The following CPNE4 variants were observed in gnomAD, a reference collection of about 807,000 sequenced individuals.
CPNE4 encodes copine 4.
In CPNE4, 25 loss-of-function variants were observed where a neutral mutation model predicts 67.9. The ratio of observed to expected loss-of-function variants is 0.37; its 90% CI spans 0.27 to 0.51. The LOEUF (loss-of-function observed/expected upper bound fraction) is 0.51. Ranked by LOEUF, CPNE4 falls within the 20% of genes least tolerant of loss-of-function variation. CPNE4 has a pLI of 0.93. For missense variants in CPNE4, 464 were observed against 690.8 expected, an observed-to-expected ratio of 0.67 and a Z score of 3.68; for synonymous variants, 242 against 244.9, an observed-to-expected ratio of 0.99 and a Z score of 0.11.
At chr3:131,578,778 C>G (rs554464951) in intron 9 of CPNE4, among the ~76,000 whole-genome samples, 1 of 152,200 alleles carries the variant, frequency 6.6e-6, no homozygotes, top group African/African-American at 2.4e-5. Context: ...GAGCAAAGCC[C>G]TAACTCACTT....
At chr3:131,952,679 C>T (rs1370093387) in intron 1 of CPNE4, among the ~76,000 whole-genome samples, 26 of 151,310 alleles carry the variant, frequency 1.7e-4, no homozygotes, top group Non-Finnish European at 3.4e-4. Context: ...CGCCTCTGCC[C>T]GGCCGCCCCT....
At chr3:131,735,327 T>C (rs2082210861) in intron 2 of CPNE4, among the ~76,000 whole-genome samples, 1 of 152,210 alleles carries the variant, frequency 6.6e-6, no homozygotes, top group African/African-American at 2.4e-5. Context: ...TCATCAGACA[T>C]TACTGCATGT....
intron 14 of CPNE4, among the ~76,000 whole-genome samples, chr3:131,545,462 A>G (rs1935775408): frequency 6.6e-6 from 1 of 152,192 alleles, no homozygotes; most frequent in African/African-American, 2.4e-5. Context: ...TTTTTTCACT[A>G]TAAGTGTAAT....
In CPNE4 at chr3:131,990,872, C is replaced by T. The variant is rs897781170; in HGVS notation, c.-2+43695G>A. Among the ~76,000 whole-genome samples, 3 of 135,614 alleles carry T rather than the reference C, an allele frequency of 2.2e-5. 1 individual carries two copies. Among genetic ancestry groups the T allele is most frequent in the Admixed American group, 1.7e-4 (2 of 11,984 alleles). The allele number at this position is 135,614 out of a possible 152,430, so 89.0% of individuals were successfully genotyped here. A position where few individuals can be genotyped will look rare whatever the true frequency, so the allele number is the denominator to read the frequency against. Reference sequence around the variant, plus strand: ...GACCTGGTGGGAGGTAACTGAATCACGGGGGAAGTTACTCCCATGCTTTCT... The same window carrying T: ...GACCTGGTGGGAGGTAACTGAATCATGGGGGAAGTTACTCCCATGCTTTCT... On this transcript the variant is annotated intron_variant, in intron 1 of 15. Coordinates refer to ENST00000429747, the MANE Select transcript of CPNE4 (RefSeq NM_130808.3).
chr3:131,666,325 A>G (rs1701312663), intron 7 of CPNE4, among the ~76,000 whole-genome samples: 1 of 152,158 alleles, frequency 6.6e-6, no homozygotes. Context: ...AATGAACCTG[A>G]CTGTTCCATG....
intron 8 of CPNE4, among the ~76,000 whole-genome samples, chr3:131,584,808 CTTG>C (rs1403933949): frequency 6.6e-6 from 1 of 152,124 alleles, no homozygotes; most frequent in African/African-American, 2.4e-5. Context: ...AGGAACTTAA[CTTG>C]TTATTTAATT....
At chr3:131,572,598 G>A (rs956056589) in intron 10 of CPNE4, among the ~76,000 whole-genome samples, 24 of 152,036 alleles carry the variant, frequency 1.6e-4, no homozygotes, top group Non-Finnish European at 2.4e-4. Context: ...AGGGAGAGTG[G>A]AGAAGGATGG....
At chr3:131,653,470 C>A (rs1482920916) in intron 7 of CPNE4, among the ~76,000 whole-genome samples, 1 of 152,180 alleles carries the variant, frequency 6.6e-6, no homozygotes, top group Non-Finnish European at 1.5e-5. Flanking sequence ...TTTAACCAGA[C>A]CTCCTGCCTC....
At chr3:131,667,166 T>G (rs11922677) in intron 7 of CPNE4, among the ~76,000 whole-genome samples, 6,286 of 152,236 alleles carry the variant, frequency 0.041, 460 homozygotes, top group African/African-American at 0.14. Flanking sequence ...ACAACAGATT[T>G]TCATGGACCC....
At chr3:131,718,262 G>A (rs1377556251) in intron 3 of CPNE4, among the ~76,000 whole-genome samples, 1 of 152,004 alleles carries the variant, frequency 6.6e-6, no homozygotes, top group Non-Finnish European at 1.5e-5. Flanking sequence ...TTGGATTACA[G>A]GCGTGAGCCA....
intron 2 of CPNE4, among the ~76,000 whole-genome samples, chr3:131,800,775 T>A (rs1044547044): frequency 6.6e-6 from 1 of 152,180 alleles, no homozygotes; most frequent in Non-Finnish European, 1.5e-5. Flanking sequence ...ATTAGATATA[T>A]ACTCCTTGGG....
chr3:131,743,000 T>C lies in CPNE4; in HGVS notation c.181-19375A>G, dbSNP rs546234945. Among the ~76,000 whole-genome samples, 9 of 152,166 alleles carry C rather than the reference T, an allele frequency of 5.9e-5. No homozygotes were observed. In the East Asian group the frequency reaches 1.7e-3, roughly 29 times the overall value. On this transcript the variant is annotated intron_variant, in intron 2 of 15. Transcript: ENST00000429747. ...AAACTAGAGGATGAATTAATAAAGA[T>C]AAAGGTGTACATCAACAAAATCGAA...
intron 2 of CPNE4, among the ~76,000 whole-genome samples, chr3:131,795,216 A>G (rs752097700): frequency 6.6e-6 from 1 of 152,192 alleles, no homozygotes; most frequent in Non-Finnish European, 1.5e-5. Flanking sequence ...CCTGGTTTGT[A>G]GACACCGCCT....
At chr3:131,667,007 T>TTA (rs1174553480) in intron 7 of CPNE4, among the ~76,000 whole-genome samples, 1 of 152,194 alleles carries the variant, frequency 6.6e-6, no homozygotes, top group African/African-American at 2.4e-5. Context: ...GAATAATGTT[T>TTA]TATAGTTTTA....
intron 1 of CPNE4, among the ~76,000 whole-genome samples, chr3:131,907,951 A>G (rs1282765877): frequency 2.0e-5 from 3 of 152,130 alleles, no homozygotes; most frequent in South Asian, 4.1e-4. Flanking sequence ...ACTTTGGGAC[A>G]TTTGTTTTTT....
intron 7 of CPNE4, among the ~76,000 whole-genome samples, chr3:131,638,143 G>T (rs548113210): frequency 6.2e-4 from 94 of 151,846 alleles, no homozygotes; most frequent in Non-Finnish European, 1.1e-3. Flanking sequence ...AAACCACAAG[G>T]TATTCAGGCC....
intron 1 of CPNE4, among the ~76,000 whole-genome samples, chr3:131,988,384 A>G (rs2073103232): frequency 1.3e-5 from 2 of 152,224 alleles, no homozygotes; most frequent in African/African-American, 4.8e-5. Context: ...GGAGAGTGGC[A>G]TAATCAGATT....
intron 2 of CPNE4, among the ~76,000 whole-genome samples, chr3:131,834,741 A>G (rs1226031608): frequency 6.6e-6 from 1 of 152,192 alleles, no homozygotes; most frequent in African/African-American, 2.4e-5. Context: ...GAAAAAAACT[A>G]TAGATTTATG....
intron 6 of CPNE4, among the ~76,000 whole-genome samples, chr3:131,682,567 G>T (rs1415293110): frequency 6.6e-6 from 1 of 152,144 alleles, no homozygotes; most frequent in African/African-American, 2.4e-5. Flanking sequence ...GCCACCACTG[G>T]ACTGCACTGG....
Sources: allele counts gnomAD v4.1 joint callset (sites outside exome capture counted in the v4.1 genomes callset), GRCh38; gene constraint gnomAD v4.1.1; transcripts MANE v1.5; gene names NCBI Gene and HGNC (gene_info 2026-07-23, HGNC 2026-07-21).